The following PLEKHA5 variants were observed in gnomAD, a reference collection of about 807,000 sequenced individuals.
PLEKHA5 encodes the protein pleckstrin homology domain-containing family A member 5.
PLEKHA5 carries 55 observed loss-of-function variants against 181.9 expected under a neutral mutation model. The ratio of observed to expected loss-of-function variants is 0.30; its 90% CI spans 0.24 to 0.38. PLEKHA5 has a LOEUF of 0.38. PLEKHA5 is among the 10% of genes least tolerant of loss of function. The pLI is 1.00. For missense variants in PLEKHA5, 1,432 were observed against 1,549.5 expected (o/e 0.92, Z 1.27); for synonymous variants, 535 against 529.4 (o/e 1.01, Z -0.15).
At chr12:19,157,097 TACACACAC>T (rs3056384) in intron 3 of PLEKHA5, among the ~76,000 whole-genome samples, 12 of 143,208 alleles carry the variant, frequency 8.4e-5, no homozygotes, top group Non-Finnish European at 1.2e-4. Flanking sequence ...TATATGTACA[TACACACAC>T]ACACACACAC....
In PLEKHA5 at chr12:19,347,199, GCCACAGAATAATCAAT is replaced by G. The variant is rs1228525044; in HGVS notation, c.2898+20_2898+35del. 2 of 1,430,686 alleles carry G rather than the reference GCCACAGAATAATCAAT, an allele frequency of 1.4e-6. No individual in the cohort carries two copies. The highest frequency in any genetic ancestry group is 1.9e-6 in the Non-Finnish European group (2 of 1,044,750). The allele number at this position is 1,430,686 out of a possible 1,614,324, so 88.6% of individuals were successfully genotyped here. A position where few individuals can be genotyped will look rare whatever the true frequency, so the allele number is the denominator to read the frequency against. On this transcript the variant is annotated intron_variant, in intron 24 of 31. Coordinates refer to ENST00000429027, the MANE Select transcript of PLEKHA5 (RefSeq NM_001256470.2). ...TCTCACTGTGTAAGTGGCTGGAATA[GCCACAGAATAATCAAT>G]CCTACATGTCCTCTCATTTTTGAAA...
chr12:19,296,816 A>C (rs1223416556), intron 15 of PLEKHA5, among the ~76,000 whole-genome samples: 1 of 152,176 alleles, frequency 6.6e-6, no homozygotes, highest in African/African-American at 2.4e-5. Flanking sequence ...AAGAGGTAGC[A>C]CTTTTTTGAT....
intron 3 of PLEKHA5, among the ~76,000 whole-genome samples, chr12:19,230,173 G>A (rs2060281033): frequency 6.6e-6 from 1 of 152,148 alleles, no homozygotes; most frequent in Admixed American, 6.5e-5. Flanking sequence ...CTAAGATACA[G>A]AGTGCTGATT....
At chr12:19,215,616 A>G (rs920197054) in intron 3 of PLEKHA5, among the ~76,000 whole-genome samples, 1 of 152,186 alleles carries the variant, frequency 6.6e-6, no homozygotes, top group African/African-American at 2.4e-5. Flanking sequence ...AAAATAAGCC[A>G]TATAAAGAGC....
At chr12:19,268,077 A>G (rs2071137185) in intron 8 of PLEKHA5, among the ~76,000 whole-genome samples, 1 of 152,208 alleles carries the variant, frequency 6.6e-6, no homozygotes, top group Non-Finnish European at 1.5e-5. Context: ...ACTGGAGCAA[A>G]GACCTAAGGA....
chr12:19,369,127 T>C (rs1290198398), intron 30 of PLEKHA5, among the ~76,000 whole-genome samples: 2 of 151,954 alleles, frequency 1.3e-5, no homozygotes, highest in African/African-American at 4.8e-5. Context: ...CTCTGGCTCT[T>C]GGGTTCAAGC....
intron 15 of PLEKHA5, among the ~76,000 whole-genome samples, chr12:19,296,005 G>C (rs543821400): frequency 4.6e-5 from 7 of 152,300 alleles, no homozygotes; most frequent in African/African-American, 1.4e-4. Context: ...GCCAAGGCAG[G>C]TGCATCACCT....
chr12:19,230,881 C>T (rs2060437553), intron 3 of PLEKHA5, among the ~76,000 whole-genome samples: 1 of 152,178 alleles, frequency 6.6e-6, no homozygotes, highest in African/African-American at 2.4e-5. Context: ...TGAGAGCACG[C>T]GAGGGCTGCC....
intron 3 of PLEKHA5, among the ~76,000 whole-genome samples, chr12:19,164,852 C>T (rs984629135): frequency 1.3e-5 from 2 of 152,132 alleles, no homozygotes; most frequent in Non-Finnish European, 2.9e-5. Context: ...AGCTTCAAAC[C>T]CTTTTTTTCC....
chr12:19,317,722 T>C (rs1402670176), intron 16 of PLEKHA5, among the ~76,000 whole-genome samples: 1 of 151,530 alleles, frequency 6.6e-6, no homozygotes, highest in Non-Finnish European at 1.5e-5. Context: ...AAAAAAAAAG[T>C]ATCAGATACT....
At chr12:19,171,834 G>A (rs956471695) in intron 3 of PLEKHA5, among the ~76,000 whole-genome samples, 1 of 151,892 alleles carries the variant, frequency 6.6e-6, no homozygotes, top group African/African-American at 2.4e-5. Flanking sequence ...TTTTTGTTAA[G>A]AACTAAGGCA....
At position 19,283,725 on chromosome 12, in the gene PLEKHA5, C is replaced by A; in HGVS notation, c.1759C>A (p.His587Asn). Reference protein sequence around the residue: ...QRGDVTIDRRHRAHHPKHVYV... With the variant: ...QRGDVTIDRRNRAHHPKHVYV... Reference sequence around the variant, plus strand: ...AGGAGATGTGACAATAGACCGCAGACACAGGGCCCATCACCCTAAGGTAAA... The same window carrying A: ...AGGAGATGTGACAATAGACCGCAGAAACAGGGCCCATCACCCTAAGGTAAA... Residue 587 changes from histidine (H) to asparagine (N), a missense_variant, in exon 12 of 32, where the codon CAC becomes AAC. By Grantham distance (68) the His-to-Asn change is moderately conservative. Coordinates refer to ENST00000429027, the MANE Select transcript of PLEKHA5 (RefSeq NM_001256470.2). The A allele has an allele frequency of 6.2e-7, 1 of 1,612,294 alleles. No individual in the cohort carries two copies.
At chr12:19,133,273 A>G (rs1591760803) in intron 3 of PLEKHA5, among the ~76,000 whole-genome samples, 1 of 151,998 alleles carries the variant, frequency 6.6e-6, no homozygotes, top group Non-Finnish European at 1.5e-5. Context: ...ACTTAGTACT[A>G]CTTGGAGACA....
chr12:19,213,072 T>C (rs904529094), intron 3 of PLEKHA5, among the ~76,000 whole-genome samples: 2 of 152,074 alleles, frequency 1.3e-5, no homozygotes, highest in African/African-American at 4.8e-5. Context: ...AAACATGAGA[T>C]TATTTACACA....
intron 3 of PLEKHA5, chr12:19,243,573 A>T (rs2063087266): frequency 6.6e-6 from 1 of 152,168 alleles, no homozygotes; most frequent in African/African-American, 2.4e-5. Context: ...ATTGGAAATT[A>T]TCCGTTTTCT....
chr12:19,225,772 T>G (rs1347764788), intron 3 of PLEKHA5, among the ~76,000 whole-genome samples: 2 of 152,230 alleles, frequency 1.3e-5, no homozygotes, highest in Non-Finnish European at 2.9e-5. Flanking sequence ...GATGTGCAGT[T>G]TGGCAATTCC....
intron 29 of PLEKHA5, among the ~76,000 whole-genome samples, chr12:19,365,199 G>A (rs561904234): frequency 6.6e-5 from 10 of 151,806 alleles, no homozygotes; most frequent in South Asian, 2.1e-4. Context: ...GTGAAACCCC[G>A]TCTCTACTAA....
At position 19,274,978 on chromosome 12, in the gene PLEKHA5, C is replaced by G; in HGVS notation, c.1308C>G (p.Thr436=). 1 of 1,600,264 alleles carries G rather than the reference C, an allele frequency of 6.2e-7. No individual in the cohort carries two copies. The highest frequency in any genetic ancestry group is 1.1e-5 in the South Asian group (1 of 90,704). Residue 436 remains threonine (T), a synonymous_variant, in exon 11 of 32, where the codon ACC becomes ACG. Transcript: ENST00000429027. ...IQKGRGHEEE[T]RGVISYQTLP... is the part of the protein sequence containing the mutation. ...AGGGGAGGGGTCATGAAGAAGAAACCAGGGGGTAAGTGTCTGTCTTGTCAT... is the reference window on the plus strand; with the variant it reads ...AGGGGAGGGGTCATGAAGAAGAAACGAGGGGGTAAGTGTCTGTCTTGTCAT...
intron 3 of PLEKHA5, among the ~76,000 whole-genome samples, chr12:19,197,068 T>G (rs767801060): frequency 1.1e-4 from 16 of 152,074 alleles, no homozygotes; most frequent in Non-Finnish European, 2.1e-4. Flanking sequence ...TAGAGGTAGC[T>G]CTCTTCCCCA....
Sources: allele counts gnomAD v4.1 joint callset (sites outside exome capture counted in the v4.1 genomes callset), GRCh38; gene constraint gnomAD v4.1.1; transcripts MANE v1.5; gene names NCBI Gene and HGNC (gene_info 2026-07-23, HGNC 2026-07-21).